MRPL1: variants seen among roughly 807,000 people sequenced by gnomAD.
MRPL1 encodes the protein mitochondrial ribosomal protein L1.
A neutral mutation model predicts 38.0 loss-of-function variants in MRPL1; 28 were observed. The observed-to-expected ratio is 0.74, with a 90% CI of 0.55 to 1.01. MRPL1 has a LOEUF of 1.01. Ranked by LOEUF, MRPL1 falls within the 50% of genes least tolerant of loss-of-function variation. The pLI, the probability that MRPL1 is intolerant of heterozygous loss-of-function variation, is 0.00. For synonymous variants in MRPL1, 123 were observed against 126.7 expected, an observed-to-expected ratio of 0.97 and a Z score of 0.20; for missense variants, 358 against 389.8, an observed-to-expected ratio of 0.92 and a Z score of 0.69.
chr4:77,894,388 C>A, intron 6 of MRPL1, 138 bp downstream of exon 6: 1 of 548,886 alleles, frequency 1.8e-6, no homozygotes, highest in Non-Finnish European at 3.2e-6. Flanking sequence ...CGAGAACCTA[C>A]GGGTTTGATT....
At chr4:77,914,307 G>A (rs1047033306) in intron 7 of MRPL1, among the ~76,000 whole-genome samples, 1 of 152,062 alleles carries the variant, frequency 6.6e-6, no homozygotes, top group East Asian at 1.9e-4. Flanking sequence ...TGCATAGGAG[G>A]GGTGGGAGGA....
intron 7 of MRPL1, among the ~76,000 whole-genome samples, chr4:77,917,953 G>C (rs1309580409): frequency 6.6e-6 from 1 of 151,920 alleles, no homozygotes; most frequent in Non-Finnish European, 1.5e-5. Context: ...TACCTGGGAG[G>C]CTGAGGCAGG....
intron 7 of MRPL1, among the ~76,000 whole-genome samples, chr4:77,925,630 A>G (rs533120517): frequency 6.6e-6 from 1 of 151,060 alleles, no homozygotes; most frequent in African/African-American, 2.4e-5. Flanking sequence ...TTTTCTGATT[A>G]TCTAAGTTAT....
chr4:77,883,876 C>T (rs1002280052), intron 3 of MRPL1, among the ~76,000 whole-genome samples: 3 of 152,116 alleles, frequency 2.0e-5, no homozygotes, highest in Non-Finnish European at 4.4e-5. Context: ...CTGTGCCTGG[C>T]CTCTTAATTT....
chr4:77,918,193 G>C (rs1411720571), intron 7 of MRPL1, among the ~76,000 whole-genome samples: 1 of 152,172 alleles, frequency 6.6e-6, no homozygotes, highest in East Asian at 1.9e-4. Context: ...TATATACCAG[G>C]TAGATAAAGG....
At chr4:77,870,798 A>C (rs1735263865) in intron 1 of MRPL1, among the ~76,000 whole-genome samples, 1 of 152,234 alleles carries the variant, frequency 6.6e-6, no homozygotes, top group Non-Finnish European at 1.5e-5. Context: ...ACGCAAAAGA[A>C]TATAGTTAAG....
intron 7 of MRPL1, among the ~76,000 whole-genome samples, chr4:77,943,947 G>A (rs1476277279): frequency 6.6e-6 from 1 of 152,104 alleles, no homozygotes; most frequent in Middle Eastern, 3.2e-3. Context: ...CTTTTAGGGG[G>A]ATGTTTAAGA....
intron 7 of MRPL1, among the ~76,000 whole-genome samples, chr4:77,911,601 T>C (rs1736289648): frequency 6.6e-6 from 1 of 152,024 alleles, no homozygotes; most frequent in Non-Finnish European, 1.5e-5. Context: ...CCTCAATTTT[T>C]CCCCATTTCC....
At chr4:77,906,697 G>A (rs1338392101) in intron 6 of MRPL1, among the ~76,000 whole-genome samples, 2 of 152,066 alleles carry the variant, frequency 1.3e-5, no homozygotes, top group Non-Finnish European at 2.9e-5. Context: ...TGAGCTTTTA[G>A]TATGTACAAG....
At chr4:77,901,152 G>T (rs919786060) in intron 6 of MRPL1, among the ~76,000 whole-genome samples, 1 of 152,142 alleles carries the variant, frequency 6.6e-6, no homozygotes, top group East Asian at 1.9e-4. Flanking sequence ...ATAAGCTGGC[G>T]CAACTTTATT....
intron 7 of MRPL1, among the ~76,000 whole-genome samples, chr4:77,912,989 T>C (rs1736323594): frequency 6.6e-6 from 1 of 152,162 alleles, no homozygotes; most frequent in Non-Finnish European, 1.5e-5. Context: ...GTTGGATGTC[T>C]ATATGTCATA....
At chr4:77,925,086 A>G (rs564106040) in intron 7 of MRPL1, among the ~76,000 whole-genome samples, 1 of 152,314 alleles carries the variant, frequency 6.6e-6, no homozygotes, top group Admixed American at 6.5e-5. Context: ...TAATACAACT[A>G]GATTACTTAC....
At chr4:77,928,926 A>T (rs370206402) in intron 7 of MRPL1, among the ~76,000 whole-genome samples, 1 of 152,234 alleles carries the variant, frequency 6.6e-6, no homozygotes, top group Non-Finnish European at 1.5e-5. Context: ...GAATAATAGC[A>T]TAAGAAAAAC....
chr4:77,928,942 C>T (rs981194212), intron 7 of MRPL1, among the ~76,000 whole-genome samples: 15 of 152,104 alleles, frequency 9.9e-5, no homozygotes, highest in Non-Finnish European at 1.8e-4. Context: ...AAAACCATAC[C>T]GTTTGAGAGA....
At chr4:77,923,294 C>T (rs569586645) in intron 7 of MRPL1, among the ~76,000 whole-genome samples, 3 of 151,976 alleles carry the variant, frequency 2.0e-5, no homozygotes, top group Non-Finnish European at 4.4e-5. Context: ...CAGGGTTTCA[C>T]CATGTTGGCC....
intron 1 of MRPL1, among the ~76,000 whole-genome samples, chr4:77,870,835 T>A (rs1330429698): frequency 6.6e-6 from 1 of 152,130 alleles, no homozygotes; most frequent in Non-Finnish European, 1.5e-5. Flanking sequence ...TAGCTTGAAA[T>A]TCTAAATATT....
intron 7 of MRPL1, among the ~76,000 whole-genome samples, chr4:77,920,651 T>C (rs1736547769): frequency 6.6e-6 from 1 of 152,214 alleles, no homozygotes; most frequent in African/African-American, 2.4e-5. Flanking sequence ...GAAGTCTGGC[T>C]TCTGCTAATT....
intron 7 of MRPL1, among the ~76,000 whole-genome samples, chr4:77,913,902 C>T (rs1261186876): frequency 3.9e-5 from 6 of 152,122 alleles, no homozygotes; most frequent in Non-Finnish European, 8.8e-5. Flanking sequence ...AAAATTCTGG[C>T]AAATGCAAAC....
chr4:77,938,710 C>CT lies in MRPL1; in HGVS notation c.778-11085dup, dbSNP rs1737048100. The stretch of plus-strand genomic sequence containing the variant: ...CCCCACAGCCCTCAGTCTGTTAACC[C>CT]TTAGTTGTAGCAACTCTGCTGTCTC... On this transcript the variant is annotated intron_variant, in intron 7 of 8. Coordinates refer to ENST00000315567, the MANE Select transcript of MRPL1 (RefSeq NM_020236.4). Among the ~76,000 whole-genome samples the CT allele has an allele frequency of 2.6e-5, 4 of 152,176 alleles. No individual in the cohort carries two copies. The South Asian group carries it at 8.3e-4, about 32-fold the overall frequency.
Sources: gnomAD v4.1 joint callset for allele counts (sites outside exome capture counted in the v4.1 genomes callset) on GRCh38, gnomAD v4.1.1 for gene constraint, MANE v1.5 for transcripts, NCBI Gene and HGNC (gene_info 2026-07-23, HGNC 2026-07-21) for gene names.